The following BAZ2B variants were observed in gnomAD, a reference collection of about 807,000 sequenced individuals.
BAZ2B encodes the protein bromodomain adjacent to zinc finger domain 2B.
BAZ2B carries 91 observed loss-of-function variants against 246.0 expected under a neutral mutation model. The ratio of observed to expected loss-of-function variants is 0.37; its 90% CI spans 0.31 to 0.44. The LOEUF (loss-of-function observed/expected upper bound fraction) is 0.44. Ranked by LOEUF, BAZ2B falls within the 20% of genes least tolerant of loss-of-function variation. The pLI, the probability that BAZ2B is intolerant of heterozygous loss-of-function variation, is 1.00. For missense variants in BAZ2B, 2,332 were observed against 2,533.7 expected, an observed-to-expected ratio of 0.92 and a Z score of 1.71; for synonymous variants, 855 against 860.0, an observed-to-expected ratio of 0.99 and a Z score of 0.10.
chr2:159,530,234 A>G (rs2151313711), intron 2 of BAZ2B, among the ~76,000 whole-genome samples: 1 of 152,278 alleles, frequency 6.6e-6, no homozygotes, highest in African/African-American at 2.4e-5. Flanking sequence ...ATTTCTTTCT[A>G]TAACTTTTGC....
At chr2:159,546,202 GT>G (rs1208190294) in intron 2 of BAZ2B, among the ~76,000 whole-genome samples, 2 of 151,992 alleles carry the variant, frequency 1.3e-5, no homozygotes, top group Non-Finnish European at 2.9e-5. Flanking sequence ...CAATTCCCAC[GT>G]CATGGGAGGA....
chr2:159,372,851 C>T (rs2061001971), intron 27 of BAZ2B, among the ~76,000 whole-genome samples, 194 bp downstream of exon 27: 1 of 152,012 alleles, frequency 6.6e-6, no homozygotes, highest in Admixed American at 6.6e-5. Context: ...GAAAGAGTAG[C>T]AAAAGAATAT....
At position 159,387,992 on chromosome 2, in the gene BAZ2B, A is replaced by G. The variant is rs897545291; in HGVS notation, c.3216+1353T>C. Among the ~76,000 whole-genome samples the G allele has an allele frequency of 5.9e-5, 9 of 152,190 alleles. No individual in the cohort carries two copies. The East Asian group carries it at 1.5e-3, about 26-fold the overall frequency. ...TAGTTCAATCCATTCTAGAGTACTAAAAGTTTTCTTTAAGCACTTTAGAAA... is the reference window on the plus strand; with the variant it reads ...TAGTTCAATCCATTCTAGAGTACTAGAAGTTTTCTTTAAGCACTTTAGAAA... On this transcript the variant is annotated intron_variant, in intron 21 of 36. Transcript: ENST00000392783.
At chr2:159,474,960 C>A (rs999234219) in intron 3 of BAZ2B, among the ~76,000 whole-genome samples, 5 of 152,078 alleles carry the variant, frequency 3.3e-5, no homozygotes, top group Non-Finnish European at 7.4e-5. Flanking sequence ...TGTGGGTAAC[C>A]CGACCTTTCT....
chr2:159,644,026 T>C, the BAZ2B span, among the ~76,000 whole-genome samples: 1 of 152,200 alleles, frequency 6.6e-6, no homozygotes, highest in Non-Finnish European at 1.5e-5. Flanking sequence ...GGAGGATCTC[T>C]TGACCCCAGG....
the BAZ2B span, among the ~76,000 whole-genome samples, chr2:159,690,499 T>A: frequency 6.6e-6 from 1 of 152,208 alleles, no homozygotes; most frequent in Non-Finnish European, 1.5e-5. Context: ...ATTTTCTAAC[T>A]GGTAGTTATT....
chr2:159,501,185 T>C (rs1489364322), intron 2 of BAZ2B, among the ~76,000 whole-genome samples: 1 of 105,246 alleles, frequency 9.5e-6, no homozygotes, highest in African/African-American at 3.7e-5. Flanking sequence ...TATATATATT[T>C]ATATATAATA....
intron 3 of BAZ2B, chr2:159,462,791 A>G: frequency 2.8e-6 from 4 of 1,427,158 alleles, no homozygotes; most frequent in East Asian, 2.3e-5. Flanking sequence ...AATACATGCA[A>G]TAATAGTCTG....
chr2:159,491,467 T>A (rs1488722812), intron 2 of BAZ2B, among the ~76,000 whole-genome samples: 1 of 151,854 alleles, frequency 6.6e-6, no homozygotes, highest in East Asian at 1.9e-4. Flanking sequence ...ACGCCTGTAA[T>A]CCCAGCACTT....
At position 159,387,953 on chromosome 2, in the gene BAZ2B, A is replaced by G. The variant is rs577047304; in HGVS notation, c.3217-1346T>C. Among the ~76,000 whole-genome samples, 162 of 152,222 alleles carry G rather than the reference A, an allele frequency of 1.1e-3. 1 individual carries two copies. Among genetic ancestry groups the G allele is most frequent in the Non-Finnish European group, 2.0e-3 (137 of 67,976 alleles). The stretch of plus-strand genomic sequence containing the variant: ...AGAAGCATTTATGCTAAGTAAATAA[A>G]TAGAATATTAATATAGTTCAATCCA... On this transcript the variant is annotated intron_variant, in intron 21 of 36. Coordinates refer to ENST00000392783, the MANE Select transcript of BAZ2B (RefSeq NM_013450.4).
At chr2:159,336,076 C>G (rs2193920) in intron 33 of BAZ2B, among the ~76,000 whole-genome samples, 144,782 of 152,268 alleles carry the variant, frequency 0.95, 69,287 homozygotes, top group East Asian at 1. Context: ...CAGGAGAATC[C>G]CCTGAACCCA....
chr2:159,409,510 C>T (rs764247497), intron 14 of BAZ2B, among the ~76,000 whole-genome samples: 1 of 152,112 alleles, frequency 6.6e-6, no homozygotes, highest in Non-Finnish European at 1.5e-5. Flanking sequence ...TCTCATTTCA[C>T]AACGTTTGGA....
chr2:159,382,465 G>T, intron 25 of BAZ2B, 94 bp downstream of exon 25: 1 of 1,310,226 alleles, frequency 7.6e-7, no homozygotes, highest in South Asian at 1.5e-5. Flanking sequence ...TGTCAAAACT[G>T]AATTCAAATC....
At chr2:159,607,016 A>T (rs1693662101) in intron 1 of BAZ2B, among the ~76,000 whole-genome samples, 1 of 151,750 alleles carries the variant, frequency 6.6e-6, no homozygotes, top group Admixed American at 6.6e-5. Context: ...GCCTCAAAAA[A>T]AATAATTTTT....
intron 2 of BAZ2B, among the ~76,000 whole-genome samples, chr2:159,513,500 A>C (rs2151200747): frequency 6.6e-6 from 1 of 152,298 alleles, no homozygotes; most frequent in Non-Finnish European, 1.5e-5. Flanking sequence ...CCAAAGTCAA[A>C]GTCCTGATTC....
chr2:159,334,302 ATAT>A (rs771863670), intron 33 of BAZ2B, among the ~76,000 whole-genome samples: 26 of 152,182 alleles, frequency 1.7e-4, no homozygotes, highest in Admixed American at 6.5e-4. Context: ...TACAGTAAAT[ATAT>A]TATTATTTGG....
chr2:159,551,276 T>C (rs553000637), intron 2 of BAZ2B, among the ~76,000 whole-genome samples: 6 of 152,112 alleles, frequency 3.9e-5, no homozygotes, highest in Non-Finnish European at 8.8e-5. Flanking sequence ...AAAACCATCC[T>C]GGCTAACATG....
At chr2:159,571,097 G>A (rs10202352) in intron 1 of BAZ2B, among the ~76,000 whole-genome samples, 83,983 of 152,048 alleles carry the variant, frequency 0.55, 23,965 homozygotes, top group East Asian at 0.74. Context: ...CAAGTGAACC[G>A]CCCGCCTTGG....
intron 3 of BAZ2B, chr2:159,464,496 T>C (rs1207124051): frequency 2.0e-5 from 3 of 152,190 alleles, no homozygotes; most frequent in Admixed American, 2.0e-4. Context: ...TGCTATGTAG[T>C]TCTGGTGACA....
Sources: gnomAD v4.1 joint callset for allele counts (sites outside exome capture counted in the v4.1 genomes callset) on GRCh38, gnomAD v4.1.1 for gene constraint, MANE v1.5 for transcripts, NCBI Gene and HGNC (gene_info 2026-07-23, HGNC 2026-07-21) for gene names.